Variants in PSD3 observed in about 807,000 individuals in gnomAD.
PSD3 encodes pleckstrin and Sec7 domain containing 3, also known as PH and SEC7 domain-containing protein 3.
Under a neutral mutation model 105.5 loss-of-function variants are expected in PSD3, and 49 were observed. That is an observed-to-expected ratio of 0.46 (90% CI 0.37 to 0.59). The LOEUF is 0.59. Ranked by LOEUF, PSD3 falls within the 20% of genes least tolerant of loss-of-function variation. The probability of loss-of-function intolerance (pLI) is 0.00; values close to 1 mark genes in which losing one functional copy is unlikely to be tolerated. For synonymous variants in PSD3, 557 were observed against 457.8 expected, an observed-to-expected ratio of 1.22 and a Z score of -2.77; for missense variants, 1,561 against 1,263.8, an observed-to-expected ratio of 1.24 and a Z score of -3.57.
chr8:18,564,623 T>C (rs1256375465), intron 14 of PSD3, among the ~76,000 whole-genome samples: 1 of 133,116 alleles, frequency 7.5e-6, no homozygotes, highest in Non-Finnish European at 1.6e-5. Context: ...AGTGAGACCT[T>C]GTCTCAAAAA....
At chr8:19,064,946 C>T (rs1334580937) in intron 1 of PSD3, among the ~76,000 whole-genome samples, 1 of 152,164 alleles carries the variant, frequency 6.6e-6, no homozygotes, top group Non-Finnish European at 1.5e-5. Context: ...TAGGTCCCAA[C>T]AGAACAGACC....
chr8:19,044,357 T>TG (rs1447271706), intron 1 of PSD3, among the ~76,000 whole-genome samples: 1 of 152,170 alleles, frequency 6.6e-6, no homozygotes, highest in Non-Finnish European at 1.5e-5. Flanking sequence ...TGAGCCAGCC[T>TG]GGTGTAATGC....
intron 8 of PSD3, among the ~76,000 whole-genome samples, chr8:18,796,525 T>C (rs1426099570): frequency 6.6e-6 from 1 of 152,150 alleles, no homozygotes; most frequent in Non-Finnish European, 1.5e-5. Context: ...AAGTAAAATA[T>C]TAGTATACAT....
At chr8:18,881,335 G>T (rs1012521534) in intron 2 of PSD3, among the ~76,000 whole-genome samples, 2 of 152,166 alleles carry the variant, frequency 1.3e-5, no homozygotes, top group African/African-American at 2.4e-5. Flanking sequence ...AAATGAAATA[G>T]AAAGAAATTT....
At chr8:18,627,030 T>C (rs2130742290) in intron 11 of PSD3, among the ~76,000 whole-genome samples, 1 of 152,058 alleles carries the variant, frequency 6.6e-6, no homozygotes, top group Non-Finnish European at 1.5e-5. Flanking sequence ...CAGTAACTGC[T>C]ATAGAAACTG....
At chr8:18,709,376 G>A (rs1252718189) in intron 9 of PSD3, among the ~76,000 whole-genome samples, 2 of 152,180 alleles carry the variant, frequency 1.3e-5, no homozygotes, top group Non-Finnish European at 2.9e-5. Context: ...GGGAGGGGCG[G>A]CCACTGTCTC....
chr8:18,907,586 T>A (rs192034677), intron 2 of PSD3, among the ~76,000 whole-genome samples: 3 of 152,342 alleles, frequency 2.0e-5, no homozygotes, highest in Admixed American at 1.3e-4. Context: ...GGCAGCAACA[T>A]GTTGCACAGG....
chr8:19,031,997 G>C (rs1047256620), intron 1 of PSD3, among the ~76,000 whole-genome samples: 5 of 152,064 alleles, frequency 3.3e-5, no homozygotes, highest in Admixed American at 1.3e-4. Context: ...AGAAATGATA[G>C]CCTGCTTAGG....
At chr8:19,026,680 C>T (rs894898153) in intron 1 of PSD3, among the ~76,000 whole-genome samples, 1 of 106,308 alleles carries the variant, frequency 9.4e-6, no homozygotes, top group South Asian at 3.4e-4. Context: ...GCCTGAGCAA[C>T]ATAGCAAGAC....
At chr8:18,574,147 T>C (rs931262773) in intron 13 of PSD3, among the ~76,000 whole-genome samples, 1 of 151,994 alleles carries the variant, frequency 6.6e-6, no homozygotes, top group Admixed American at 6.6e-5. Context: ...ACATAATCAA[T>C]AAACAAAAAG....
rs372722950 is a variant in PSD3, at chr8:18,671,015, A to C, written c.2173-15330T>G. Among the ~76,000 whole-genome samples, 37 of 152,278 alleles carry C rather than the reference A, an allele frequency of 2.4e-4. 1 individual carries two copies. Among genetic ancestry groups the C allele is most frequent in the African/African-American group, 8.4e-4 (35 of 41,554 alleles). On this transcript the variant is annotated intron_variant, in intron 9 of 15. Coordinates refer to ENST00000327040, the MANE Select transcript of PSD3 (RefSeq NM_015310.4). ...GAGATCAAGTCTTCCATCTCCCTTT[A>C]GTCTCTATAATGCTTCGTAAGTTGT...
At chr8:18,955,779 T>TA (rs1823530503) in intron 1 of PSD3, among the ~76,000 whole-genome samples, 1 of 151,900 alleles carries the variant, frequency 6.6e-6, no homozygotes, top group Admixed American at 6.6e-5. Context: ...TTTATTTATT[T>TA]TATTTTTAAG....
At chr8:18,820,528 T>G (rs1812607816) in intron 4 of PSD3, among the ~76,000 whole-genome samples, 1 of 152,234 alleles carries the variant, frequency 6.6e-6, no homozygotes, top group South Asian at 2.1e-4. Flanking sequence ...TTAAGTCATC[T>G]CTAAGCTACT....
intron 9 of PSD3, among the ~76,000 whole-genome samples, chr8:18,758,892 C>T (rs1806278486): frequency 1.3e-5 from 2 of 152,098 alleles, no homozygotes; most frequent in South Asian, 4.1e-4. Context: ...CTTGCCTAAA[C>T]TCTGTCCTTT....
intron 13 of PSD3, among the ~76,000 whole-genome samples, chr8:18,573,509 G>A (rs927595963): frequency 6.6e-6 from 1 of 152,146 alleles, no homozygotes; most frequent in Non-Finnish European, 1.5e-5. Context: ...TTGTATGTTA[G>A]TGTTTATAGC....
At chr8:18,743,914 C>T (rs959812026) in intron 9 of PSD3, among the ~76,000 whole-genome samples, 28 of 151,648 alleles carry the variant, frequency 1.8e-4, no homozygotes, top group Admixed American at 1.4e-3. Flanking sequence ...ATGGTTGCAT[C>T]GCTATATTGC....
At chr8:18,997,837 T>C (rs996269564) in intron 1 of PSD3, among the ~76,000 whole-genome samples, 30 of 151,872 alleles carry the variant, frequency 2.0e-4, no homozygotes, top group African/African-American at 7.3e-4. Flanking sequence ...TGACCACCCA[T>C]TTGTAACTGC....
intron 9 of PSD3, among the ~76,000 whole-genome samples, chr8:18,684,745 G>T (rs1260131050): frequency 6.6e-6 from 1 of 152,166 alleles, no homozygotes; most frequent in Non-Finnish European, 1.5e-5. Context: ...GAAAATGACT[G>T]GGGGGTTAGC....
chr8:18,658,076 C>A (rs1303604962), intron 9 of PSD3, among the ~76,000 whole-genome samples: 1 of 152,174 alleles, frequency 6.6e-6, no homozygotes, highest in Non-Finnish European at 1.5e-5. Flanking sequence ...TATTATAAAT[C>A]ATCTTGCCGA....
Sources: gnomAD v4.1 joint callset for allele counts (sites outside exome capture counted in the v4.1 genomes callset) on GRCh38, gnomAD v4.1.1 for gene constraint, MANE v1.5 for transcripts, NCBI Gene and HGNC (gene_info 2026-07-23, HGNC 2026-07-21) for gene names.